NAV1: variants seen among roughly 807,000 people sequenced by gnomAD.
NAV1 encodes neuron navigator 1, also known as pore membrane and/or filament interacting like protein 3.
NAV1 carries 18 observed loss-of-function variants against 175.2 expected under a neutral mutation model. The observed-to-expected ratio is 0.10, with a 90% CI of 0.07 to 0.15. NAV1 has a LOEUF of 0.15. Ranked by LOEUF, NAV1 falls within the 10% of genes least tolerant of loss-of-function variation. The pLI is 1.00. For synonymous variants in NAV1, 897 were observed against 978.7 expected, an observed-to-expected ratio of 0.92 and a Z score of 1.56; for missense variants, 1,731 against 2,436.6, an observed-to-expected ratio of 0.71 and a Z score of 6.10.
intron 1 of NAV1, among the ~76,000 whole-genome samples, chr1:201,587,264 T>TA (rs376130157): frequency 2.7e-3 from 382 of 143,196 alleles, no homozygotes; most frequent in South Asian, 5.1e-3. Context: ...TTTACCACAT[T>TA]AAAAAAAAAA....
rs1678484287 is a variant in NAV1, at chr1:201,808,735, C to A, written c.4071C>A (p.Asp1357Glu). The A allele has an allele frequency of 6.2e-7, 1 of 1,614,116 alleles. No individual in the cohort carries two copies. Among genetic ancestry groups the A allele is most frequent in the African/African-American group, 1.3e-5 (1 of 74,944 alleles). Reference sequence around the variant, plus strand: ...TGGACCTGCTGAAAGCAGAGAATGACCGACTGAAGGTAGCCCCAGGCCCCT... The same window carrying A: ...TGGACCTGCTGAAAGCAGAGAATGAACGACTGAAGGTAGCCCCAGGCCCCT... The change falls in exon 20 of 30, where the codon GAC (aspartate) becomes GAA (glutamate). Residue 1357 changes from aspartate to glutamate, a missense_variant. By Grantham distance (45) the Asp-to-Glu change is conservative (BLOSUM62 2). Around this residue, in one of 13 missense-constraint regions of NAV1, gnomAD observed 18 missense variants for 56.2 expected, o/e 0.32. Coordinates refer to ENST00000367296, the Ensembl canonical transcript of NAV1. This position sits in a 1 kb window ranked among gnomAD's most constrained non-coding sequence, Gnocchi z 5.5.
At chr1:201,817,027 G>T in intron 28 of NAV1, 61 bp from the exon 33 acceptor site, 12 of 1,504,520 alleles carry the variant, frequency 8.0e-6, no homozygotes, top group Non-Finnish European at 1.1e-5. Flanking sequence ...CCAAAAGACT[G>T]CATGAACAAG....
rs1353953457 is a variant in NAV1 at position 201,572,707 on chromosome 1, A to G, written c.-143-15832A>G. Among the ~76,000 whole-genome samples the G allele has an allele frequency of 1.3e-5, 2 of 152,072 alleles. 1 individual carries two copies. Among genetic ancestry groups the G allele is most frequent in the Admixed American group, 1.3e-4 (2 of 15,268 alleles). On this transcript the variant is annotated intron_variant, in intron 1 of 33. Transcript: ENST00000685211. ...TTTAGCCTTTATCACCATCAATGAA[A>G]TGGGGATAGGAATGACTGTCTTATA...
chr1:201,727,460 G>T (rs986089383), intron 3 of NAV1, among the ~76,000 whole-genome samples: 1 of 152,168 alleles, frequency 6.6e-6, no homozygotes, highest in African/African-American at 2.4e-5. Context: ...TGCTTATTGT[G>T]CAGATAGCTA....
chr1:201,742,602 A>C (rs2102561312), intron 3 of NAV1, among the ~76,000 whole-genome samples: 1 of 152,140 alleles, frequency 6.6e-6, no homozygotes, highest in African/African-American at 2.4e-5. Context: ...TATCCCATTC[A>C]GCACTCCTAG....
intron 2 of NAV1, among the ~76,000 whole-genome samples, chr1:201,715,116 C>T (rs981163257): frequency 1.3e-5 from 2 of 151,750 alleles, no homozygotes; most frequent in African/African-American, 2.4e-5. Flanking sequence ...TATATTATTC[C>T]TGTTCCACAC....
At chr1:201,620,519 C>T (rs374681733), upstream of NAV1, among the ~76,000 whole-genome samples, 1 of 130,614 alleles carries the variant, frequency 7.7e-6, no homozygotes, top group South Asian at 2.4e-4. Context: ...AGTGCAGTGG[C>T]GCAATCTCGG....
chr1:201,700,882 G>T (rs1468112024), intron 1 of NAV1, among the ~76,000 whole-genome samples: 1 of 151,678 alleles, frequency 6.6e-6, no homozygotes, highest in South Asian at 2.1e-4. Context: ...GTGGTGGCAG[G>T]CGCCTGTAGT....
At chr1:201,712,408 A>G (rs1671943727) in intron 1 of NAV1, among the ~76,000 whole-genome samples, 1 of 152,208 alleles carries the variant, frequency 6.6e-6, no homozygotes, top group East Asian at 1.9e-4. Context: ...GCCAGTTGTT[A>G]AACATTTACC....
upstream of NAV1, among the ~76,000 whole-genome samples, chr1:201,620,272 T>C (rs1342942024): frequency 6.6e-6 from 1 of 152,102 alleles, no homozygotes; most frequent in African/African-American, 2.4e-5. Context: ...CATGCTTTGG[T>C]GGTCTTTTCT....
chr1:201,644,599 T>C (rs183939310), upstream of NAV1, among the ~76,000 whole-genome samples: 134 of 152,328 alleles, frequency 8.8e-4, no homozygotes, highest in African/African-American at 3.1e-3. Context: ...CTCAAGGGGA[T>C]TGGCACTGAA....
At chr1:201,725,598 A>G (rs1443330630) in intron 3 of NAV1, among the ~76,000 whole-genome samples, 1 of 151,610 alleles carries the variant, frequency 6.6e-6, no homozygotes, top group African/African-American at 2.4e-5. Context: ...ACAGTGAGCT[A>G]TGATTGTGCC....
intron 3 of NAV1, among the ~76,000 whole-genome samples, chr1:201,721,803 G>C (rs1253561596): frequency 6.6e-6 from 1 of 152,110 alleles, no homozygotes; most frequent in African/African-American, 2.4e-5. Flanking sequence ...CAAGCTATCC[G>C]AGTGAGCCAT....
At chr1:201,766,623 A>G (rs1474235457) in intron 3 of NAV1, among the ~76,000 whole-genome samples, 1 of 152,186 alleles carries the variant, frequency 6.6e-6, no homozygotes, top group Non-Finnish European at 1.5e-5. Context: ...TAAAAATGTT[A>G]CCACATTTGT....
exon 1 of NAV1, chr1:201,648,372 T>A: frequency 8.2e-7 from 1 of 1,223,148 alleles, no homozygotes; most frequent in African/African-American, 1.6e-5. Flanking sequence ...AATTTTAATT[T>A]GTATTTTCCC....
At chr1:201,766,531 CT>C (rs11330117) in intron 3 of NAV1, among the ~76,000 whole-genome samples, 68,657 of 151,894 alleles carry the variant, frequency 0.45, 15,672 homozygotes, top group African/African-American at 0.5. Context: ...CTTCTATTAT[CT>C]TTTTTTTAAA....
At chr1:201,699,636 A>T (rs1671330073) in intron 1 of NAV1, among the ~76,000 whole-genome samples, 2 of 152,232 alleles carry the variant, frequency 1.3e-5, no homozygotes, top group Admixed American at 1.3e-4. Flanking sequence ...TTGCCAAGAC[A>T]ATCCTAAGCC....
chr1:201,740,042 C>T lies in NAV1; in HGVS notation c.1226+21287C>T, dbSNP rs1673306317. 2.7e-6 allele frequency: 4 copies of T among 1,502,742 alleles called. No homozygotes were observed. In the African/African-American group the frequency reaches 4.3e-5, roughly 16 times the overall value. The allele number at this position is 1,502,742 out of a possible 1,614,324, so 93.1% of individuals were successfully genotyped here. A position where few individuals can be genotyped will look rare whatever the true frequency, so the allele number is the denominator to read the frequency against. On this transcript the variant is annotated intron_variant, in intron 3 of 29. Transcript: ENST00000367296. The surrounding 1 kb of genome is among the most constrained non-coding windows in gnomAD (Gnocchi z 4.7). ...GGGGAAGATGCTTCATCTGCCCCTGCCCAGATCCGGAAGAACGGTGAATTT... is the reference window on the plus strand; with the variant it reads ...GGGGAAGATGCTTCATCTGCCCCTGTCCAGATCCGGAAGAACGGTGAATTT...
At chr1:201,675,153 A>G (rs1266154724) in intron 1 of NAV1, among the ~76,000 whole-genome samples, 2 of 151,958 alleles carry the variant, frequency 1.3e-5, no homozygotes, top group African/African-American at 4.8e-5. Flanking sequence ...ACCTTTCCAC[A>G]TGAGATTTAG....
Sources: gnomAD v4.1 joint callset for allele counts (sites outside exome capture counted in the v4.1 genomes callset) on GRCh38, gnomAD v4.1.1 for gene constraint, gnomAD v4.1.1 regional missense constraint, Gnocchi (gnomAD v3.1) non-coding constraint, MANE v1.5 for transcripts, NCBI Gene and HGNC (gene_info 2026-07-23, HGNC 2026-07-21) for gene names.